The following OLFM3 variants were observed in gnomAD, a reference collection of about 807,000 sequenced individuals.
OLFM3 encodes olfactomedin 3.
OLFM3 carries 20 observed loss-of-function variants against 48.6 expected under a neutral mutation model. That is an observed-to-expected ratio of 0.41 (90% confidence interval 0.29 to 0.60). OLFM3 has a LOEUF of 0.60. Among genes scored for constraint, OLFM3 ranks in the 20% least tolerant of loss-of-function variants. The probability of loss-of-function intolerance (pLI) is 0.28; values close to 1 mark genes in which losing one functional copy is unlikely to be tolerated. For missense variants in OLFM3, 437 were observed against 544.3 expected (o/e 0.80, Z 1.96); for synonymous variants, 222 against 198.1 (o/e 1.12, Z -1.01).
intron 1 of OLFM3, among the ~76,000 whole-genome samples, chr1:101,967,605 A>AAAAAAAAAAAAAAAG (rs1660652360): frequency 6.6e-6 from 1 of 150,570 alleles, no homozygotes; most frequent in African/African-American, 2.4e-5. Context: ...AAAAAAAAAA[A>AAAAAAAAAAAAAAAG]AAAAAAAAAG....
At chr1:101,818,860 T>G (rs560011775) in intron 4 of OLFM3, among the ~76,000 whole-genome samples, 1 of 152,284 alleles carries the variant, frequency 6.6e-6, no homozygotes, top group Non-Finnish European at 1.5e-5. Flanking sequence ...GCTTTTGATT[T>G]TACAAATCAA....
chr1:101,828,152 C>T (rs1288332939), intron 3 of OLFM3, among the ~76,000 whole-genome samples: 1 of 152,020 alleles, frequency 6.6e-6, no homozygotes, highest in African/African-American at 2.4e-5. Flanking sequence ...CCTCCCCAGC[C>T]ATGCAGAACT....
chr1:101,830,574 T>C (rs986881456), intron 3 of OLFM3, 98 bp downstream of exon 3: 2 of 1,271,314 alleles, frequency 1.6e-6, no homozygotes, highest in Non-Finnish European at 2.3e-6. Flanking sequence ...CTTGCACATA[T>C]GGGCCAATGC....
At chr1:101,904,825 C>T (rs1046679920) in intron 1 of OLFM3, among the ~76,000 whole-genome samples, 1 of 152,048 alleles carries the variant, frequency 6.6e-6, no homozygotes, top group African/African-American at 2.4e-5. Context: ...GATGAATTCT[C>T]CTCCCACCTG....
chr1:101,822,720 AC>A (rs1200449731), intron 4 of OLFM3, among the ~76,000 whole-genome samples: 1 of 152,138 alleles, frequency 6.6e-6, no homozygotes, highest in Non-Finnish European at 1.5e-5. Context: ...TTATGGAGAC[AC>A]CATCTGGCAA....
intron 4 of OLFM3, among the ~76,000 whole-genome samples, chr1:101,806,988 G>C (rs1653807198): frequency 6.6e-6 from 1 of 151,700 alleles, no homozygotes; most frequent in Admixed American, 6.6e-5. Flanking sequence ...CAGAAAGCTA[G>C]ACATTTTTGT....
intron 2 of OLFM3, among the ~76,000 whole-genome samples, chr1:101,831,710 A>G (rs921507632): frequency 6.6e-5 from 10 of 152,164 alleles, no homozygotes; most frequent in African/African-American, 2.4e-4. Context: ...ATCACCTAGG[A>G]GTTTGTCAGA....
chr1:101,990,236 C>T (rs886547801), intron 1 of OLFM3, among the ~76,000 whole-genome samples: 2 of 152,032 alleles, frequency 1.3e-5, no homozygotes, highest in Non-Finnish European at 2.9e-5. Flanking sequence ...GAGCTTTGAC[C>T]AAAATGATGG....
At chr1:101,859,485 A>G (rs543481902) in intron 1 of OLFM3, among the ~76,000 whole-genome samples, 1 of 152,152 alleles carries the variant, frequency 6.6e-6, no homozygotes, top group African/African-American at 2.4e-5. Context: ...AACAAGACAA[A>G]AGCAGCCTCT....
intron 4 of OLFM3, among the ~76,000 whole-genome samples, chr1:101,820,048 T>C (rs1158196548): frequency 2.6e-5 from 4 of 152,140 alleles, no homozygotes; most frequent in Non-Finnish European, 5.9e-5. Flanking sequence ...CCCATCCTTG[T>C]ATCCACAAAT....
intron 1 of OLFM3, among the ~76,000 whole-genome samples, chr1:101,959,729 G>A (rs989275465): frequency 5.3e-5 from 8 of 152,098 alleles, no homozygotes; most frequent in Admixed American, 4.6e-4. Context: ...GACCGTATAA[G>A]GCAGCATTAA....
intron 1 of OLFM3, among the ~76,000 whole-genome samples, chr1:101,951,840 T>C (rs1320668742): frequency 1.3e-5 from 2 of 152,160 alleles, no homozygotes; most frequent in Non-Finnish European, 2.9e-5. Context: ...TTGTTTCAAA[T>C]AATGAAAGGA....
intron 3 of OLFM3, among the ~76,000 whole-genome samples, chr1:101,826,030 G>A (rs923636745): frequency 6.6e-6 from 1 of 152,070 alleles, no homozygotes; most frequent in East Asian, 1.9e-4. Context: ...GCTTGCCCAT[G>A]TGGCGAATTA....
intron 1 of OLFM3, among the ~76,000 whole-genome samples, chr1:101,973,346 A>T (rs536111666): frequency 2.3e-4 from 35 of 152,326 alleles, no homozygotes; most frequent in African/African-American, 8.4e-4. Context: ...AGATGTTCCA[A>T]CTGAAGAGAG....
intron 4 of OLFM3, among the ~76,000 whole-genome samples, chr1:101,808,570 G>A (rs1854170): frequency 0.64 from 96,820 of 151,564 alleles, 31,128 homozygotes; most frequent in East Asian, 0.65. Context: ...CTGTAGATGC[G>A]GGACTGCAGA....
intron 1 of OLFM3, among the ~76,000 whole-genome samples, chr1:101,915,772 C>A (rs1658905774): frequency 1.3e-5 from 2 of 152,160 alleles, no homozygotes; most frequent in Admixed American, 1.3e-4. Flanking sequence ...CTTGCCAAAT[C>A]ACTGGGAAGT....
intron 2 of OLFM3, among the ~76,000 whole-genome samples, chr1:101,834,838 T>C (rs1476495156): frequency 6.6e-6 from 1 of 152,224 alleles, no homozygotes; most frequent in Non-Finnish European, 1.5e-5. Context: ...TATTAATTTC[T>C]ATTATTATTT....
intron 1 of OLFM3, among the ~76,000 whole-genome samples, chr1:101,875,355 TA>T (rs1657256355): frequency 6.6e-6 from 1 of 152,012 alleles, no homozygotes; most frequent in Non-Finnish European, 1.5e-5. Flanking sequence ...TAGTTAGTGT[TA>T]ATTTTTAGTT....
At chr1:101,877,292 AT>A (rs1045347744) in intron 1 of OLFM3, among the ~76,000 whole-genome samples, 3 of 151,960 alleles carry the variant, frequency 2.0e-5, no homozygotes, top group African/African-American at 7.2e-5. Context: ...GGATAACCAG[AT>A]TCCTCTCTTT....
Sources: gnomAD v4.1 joint callset for allele counts (sites outside exome capture counted in the v4.1 genomes callset) on GRCh38, gnomAD v4.1.1 for gene constraint, MANE v1.5 for transcripts, NCBI Gene and HGNC (gene_info 2026-07-23, HGNC 2026-07-21) for gene names.